KMT2E: variants seen among roughly 807,000 people sequenced by gnomAD.
The protein encoded by KMT2E is histone reader KMT2E.
KMT2E carries 30 observed loss-of-function variants against 184.6 expected under a neutral mutation model. The observed-to-expected ratio is 0.16, with a 90% CI of 0.12 to 0.22. The LOEUF (loss-of-function observed/expected upper bound fraction) is 0.22, where lower values mean the gene tolerates loss of function less well. Among genes scored for constraint, KMT2E ranks in the 10% least tolerant of loss-of-function variants. The pLI, the probability that KMT2E is intolerant of heterozygous loss-of-function variation, is 1.00. For missense variants in KMT2E, 2,023 were observed against 2,237.4 expected, an observed-to-expected ratio of 0.90 and a Z score of 1.93; for synonymous variants, 815 against 776.5, an observed-to-expected ratio of 1.05 and a Z score of -0.82.
intron 3 of KMT2E, among the ~76,000 whole-genome samples, chr7:105,059,998 T>TG (rs1562898292): frequency 1.1e-4 from 13 of 113,780 alleles, no homozygotes; most frequent in African/African-American, 1.9e-4. Context: ...TTTTTTTTTT[T>TG]TTTTTTTTTT....
intron 1 of KMT2E, among the ~76,000 whole-genome samples, chr7:105,023,098 A>C (rs1260285260): frequency 6.6e-6 from 1 of 152,144 alleles, no homozygotes; most frequent in African/African-American, 2.4e-5. Flanking sequence ...AACTATTGCT[A>C]AATGAGTCTT....
chr7:105,041,021 A>T lies in KMT2E; in HGVS notation c.69A>T (p.Ser23=). ...ETSYLEMAAG[S]EPESVEASPV... ...CATACTTGGAAATGGCTGCAGGTTC[A>T]GAGTAAGTATTTAAATTGGTTACAT... The change falls in exon 3 of 27, where the codon TCA becomes TCT. Residue 23 remains serine, a splice_region_variant and synonymous_variant. Coordinates refer to ENST00000311117, the MANE Select transcript of KMT2E (RefSeq NM_182931.3). 1.3e-6 allele frequency: 2 copies of T among 1,567,386 alleles called. No homozygotes were observed. Among genetic ancestry groups the T allele is most frequent in the Non-Finnish European group, 1.7e-6 (2 of 1,144,408 alleles).
At chr7:105,022,231 T>G (rs927861471) in intron 1 of KMT2E, among the ~76,000 whole-genome samples, 4 of 152,194 alleles carry the variant, frequency 2.6e-5, no homozygotes, top group African/African-American at 9.7e-5. Flanking sequence ...ATGTCCTTTA[T>G]TAGCATTTTT....
intron 19 of KMT2E, 119 bp downstream of exon 19, chr7:105,106,122 TA>T (rs1798889471): frequency 4.8e-6 from 5 of 1,037,550 alleles, no homozygotes; most frequent in Non-Finnish European, 7.0e-6. Context: ...CATTGGTGTA[TA>T]GATTTTCTCT....
chr7:105,098,405 A>C (rs1049792667), intron 15 of KMT2E, among the ~76,000 whole-genome samples: 22 of 151,322 alleles, frequency 1.5e-4, no homozygotes, highest in African/African-American at 5.4e-4. Context: ...ATGTTCCACT[A>C]ATTTTTTTGT....
At chr7:105,017,845 G>A (rs570626946) in intron 1 of KMT2E, among the ~76,000 whole-genome samples, 1 of 152,292 alleles carries the variant, frequency 6.6e-6, no homozygotes, top group African/African-American at 2.4e-5. Flanking sequence ...TCTGATTCCA[G>A]TTTAAGTGTA....
chr7:105,112,787 ACC>A lies in KMT2E; in HGVS notation c.5035_5036del (p.Pro1679ThrfsTer189). On this transcript the variant is annotated frameshift_variant, in exon 27 of 27. Coordinates refer to ENST00000311117, the MANE Select transcript of KMT2E (RefSeq NM_182931.3). LOFTEE classifies it high-confidence loss of function. ...ATTCTCAAACTGCTGGACACCACTTACCCCCACCCCCACCCCCTCCTGGTCCT... is the reference window on the plus strand; with the variant it reads ...ATTCTCAAACTGCTGGACACCACTTACCCACCCCCACCCCCTCCTGGTCCT... ...IHSQTAGHHLPPPPPPPGPAP... is the reference protein window; with the variant it reads ...IHSQTAGHHLXPPPPPPGPAP... The A allele has an allele frequency of 2.1e-6, 3 of 1,462,810 alleles. No individual in the cohort carries two copies. Among genetic ancestry groups the A allele is most frequent in the Non-Finnish European group, 1.9e-6 (2 of 1,080,406 alleles). 90.6% of individuals were successfully genotyped at this position (1,462,810 alleles called of 1,614,324 possible).
intron 3 of KMT2E, among the ~76,000 whole-genome samples, chr7:105,050,131 G>A (rs1382807292): frequency 6.6e-6 from 1 of 152,092 alleles, no homozygotes; most frequent in Non-Finnish European, 1.5e-5. Flanking sequence ...CCTCTTAAGA[G>A]CAAAACTCCT....
intron 6 of KMT2E, among the ~76,000 whole-genome samples, chr7:105,068,649 T>G (rs1797152260): frequency 6.7e-6 from 1 of 148,204 alleles, no homozygotes; most frequent in African/African-American, 2.5e-5. Context: ...GTTTTTTTTT[T>G]TTTTTTGTAG....
chr7:105,110,226 T>A, intron 23 of KMT2E, 54 bp from the exon 24 acceptor site: 1 of 1,371,206 alleles, frequency 7.3e-7, no homozygotes, highest in Non-Finnish European at 1.0e-6. Flanking sequence ...GAAGCAACAA[T>A]GTAACTAGCA....
At chr7:105,054,446 C>CTCTGTCTGTCTG (rs879904154) in intron 3 of KMT2E, among the ~76,000 whole-genome samples, 2 of 107,518 alleles carry the variant, frequency 1.9e-5, no homozygotes, top group African/African-American at 3.8e-5. Context: ...AAGCAAGTTG[C>CTCTGTCTGTCTG]TCTGTCTGTC....
intron 5 of KMT2E, among the ~76,000 whole-genome samples, chr7:105,065,714 C>G (rs962202815): frequency 6.6e-6 from 1 of 152,136 alleles, no homozygotes; most frequent in Non-Finnish European, 1.5e-5. Flanking sequence ...TCTCCCTCTT[C>G]CTGAAAATAT....
intron 5 of KMT2E, among the ~76,000 whole-genome samples, chr7:105,066,221 CT>C (rs1797022688): frequency 6.6e-6 from 1 of 152,116 alleles, no homozygotes. Flanking sequence ...AGTAATCTGA[CT>C]GTACTTCATT....
intron 13 of KMT2E, 58 bp downstream of exon 13, chr7:105,081,855 G>C (rs1472762646): frequency 4.2e-6 from 3 of 721,676 alleles, no homozygotes; most frequent in Non-Finnish European, 7.1e-6. Flanking sequence ...TAATGTCCCT[G>C]TAATAATTTA....
intron 15 of KMT2E, among the ~76,000 whole-genome samples, chr7:105,100,978 C>T (rs1798631574): frequency 6.6e-6 from 1 of 152,132 alleles, no homozygotes; most frequent in African/African-American, 2.4e-5. Flanking sequence ...AAGACTTTAC[C>T]TCACAACATC....
intron 4 of KMT2E, 28 bp from the exon 5 acceptor site, chr7:105,063,323 T>A (rs747749254): frequency 9.9e-6 from 14 of 1,415,462 alleles, no homozygotes; most frequent in Admixed American, 2.1e-5. Context: ...TAAATAATAT[T>A]GTGCTATATT....
intron 15 of KMT2E, among the ~76,000 whole-genome samples, chr7:105,094,948 T>A (rs767049866): frequency 3.9e-5 from 6 of 152,082 alleles, no homozygotes; most frequent in African/African-American, 9.7e-5. Flanking sequence ...TGGGATCTAC[T>A]GTACTTCACC....
intron 3 of KMT2E, among the ~76,000 whole-genome samples, chr7:105,047,816 A>G (rs1796170891): frequency 6.6e-6 from 1 of 152,198 alleles, no homozygotes; most frequent in Non-Finnish European, 1.5e-5. Flanking sequence ...TGCTTTTCAA[A>G]TACTTCTGCA....
At chr7:105,073,008 A>G (rs1447682775) in intron 6 of KMT2E, among the ~76,000 whole-genome samples, 3 of 151,242 alleles carry the variant, frequency 2.0e-5, no homozygotes, top group African/African-American at 7.3e-5. Context: ...ATTTGCTTTA[A>G]GAAATTTAAT....
Sources: gnomAD v4.1 joint callset for allele counts (sites outside exome capture counted in the v4.1 genomes callset) on GRCh38, gnomAD v4.1.1 for gene constraint, MANE v1.5 for transcripts, NCBI Gene and HGNC (gene_info 2026-07-23, HGNC 2026-07-21) for gene names.